Variants in TAGAP observed in about 807,000 individuals in gnomAD.
The protein encoded by TAGAP is T-cell activation Rho GTPase-activating protein.
Under a neutral mutation model 36.0 loss-of-function variants are expected in TAGAP, and 16 were observed. That is an observed-to-expected ratio of 0.44 (90% CI 0.30 to 0.68). TAGAP has a LOEUF of 0.68. Ranked by LOEUF, TAGAP falls within the 30% of genes least tolerant of loss-of-function variation. TAGAP has a pLI of 0.09. For missense variants in TAGAP, 794 were observed against 921.5 expected, an observed-to-expected ratio of 0.86 and a Z score of 1.79; for synonymous variants, 372 against 377.4, an observed-to-expected ratio of 0.99 and a Z score of 0.17.
Position 159,043,996 on chromosome 6 carries a change from T to C in TAGAP, c.63A>G (p.Leu21=). The stretch of plus-strand genomic sequence containing the variant: ...TTCTTACCTCTGATTGACATTCGAT[T>C]AGTGTCTCCATATTATTGGCGTTTA... ...KTLNANNMET[L]IECQSEGDIK... Residue 21 remains leucine (L), a synonymous_variant, in exon 3 of 10, where the codon CTA becomes CTG. Transcript: ENST00000367066. The C allele has an allele frequency of 6.2e-7, 1 of 1,613,808 alleles. No individual in the cohort carries two copies. Among genetic ancestry groups the C allele is most frequent in the Non-Finnish European group, 8.5e-7 (1 of 1,179,828 alleles).
chr6:159,038,950 A>C, intron 8 of TAGAP, 164 bp downstream of exon 8: 1 of 1,462,528 alleles, frequency 6.8e-7, no homozygotes, highest in Non-Finnish European at 9.1e-7. Flanking sequence ...CATTAGATAC[A>C]TGTATCTGAG....
chr6:159,044,846 A>G, intron 1 of TAGAP, 33 bp downstream of exon 1: 1 of 398,294 alleles, frequency 2.5e-6, no homozygotes, highest in Non-Finnish European at 4.4e-6. Context: ...GCAGCTTGTA[A>G]TTTCTAGGCA....
At position 159,037,147 on chromosome 6, in the gene TAGAP, T is replaced by C. The variant is rs1779575485; in HGVS notation, c.899-23A>G. The C allele has an allele frequency of 6.4e-7, 1 of 1,557,590 alleles. No individual in the cohort carries two copies. The highest frequency in any genetic ancestry group is 1.4e-5 in the African/African-American group (1 of 72,180). ...CATCTGGGGGAAGTCAAGCAGCAGT[T>C]GAACATTTGTTTGGGTTTATTTATT... is the stretch of plus-strand genomic sequence containing the variant. On this transcript the variant is annotated intron_variant, in intron 9 of 9. Transcript: ENST00000367066. The surrounding 1 kb of genome is among the most constrained non-coding windows in gnomAD (Gnocchi z 5.1).
Position 159,035,609 on chromosome 6 carries a change from A to G in TAGAP, c.*218T>C. On this transcript the variant is annotated 3_prime_UTR_variant, in exon 10 of 10. Coordinates refer to ENST00000367066, the MANE Select transcript of TAGAP (RefSeq NM_054114.5). Reference sequence around the variant, plus strand: ...CCTTTGCACCTAACACCTTATCTATAATACATTTGATACATTTTTACATAT... The same window carrying G: ...CCTTTGCACCTAACACCTTATCTATGATACATTTGATACATTTTTACATAT... 2.0e-6 allele frequency: 1 copy of G among 508,084 alleles called. No individual in the cohort carries two copies. The highest frequency in any genetic ancestry group is 3.5e-6 in the Non-Finnish European group (1 of 285,632). The allele number at this position is 508,084 out of a possible 1,614,324, so 31.5% of individuals were successfully genotyped here. A position where few individuals can be genotyped will look rare whatever the true frequency, so the allele number is the denominator to read the frequency against.
In TAGAP at chr6:159,037,248, G is replaced by A; in HGVS notation, c.899-124C>T. ...GGTTTGTTGCCCAGGCTGGAGTGCA[G>A]TGATGTGATCTCGGCTCACTGCAAC... On this transcript the variant is annotated intron_variant, in intron 9 of 9. Transcript: ENST00000367066. The surrounding 1 kb of genome is among the most constrained non-coding windows in gnomAD (Gnocchi z 5.1). 3 of 857,338 alleles carry A rather than the reference G, an allele frequency of 3.5e-6. No individual in the cohort carries two copies. The highest frequency in any genetic ancestry group is 3.5e-5 in the Admixed American group (1 of 28,580). The allele number at this position is 857,338 out of a possible 1,614,324, so 53.1% of individuals were successfully genotyped here. A position where few individuals can be genotyped will look rare whatever the true frequency, so the allele number is the denominator to read the frequency against.
At chr6:159,038,824 TGTG>T in intron 8 of TAGAP, 1 of 1,033,132 alleles carries the variant, frequency 9.7e-7, no homozygotes, top group East Asian at 3.9e-5. Context: ...ACTGATAGAC[TGTG>T]GTGTACAAAA....
chr6:159,034,657 G>A lies in TAGAP; in HGVS notation c.*1170C>T, dbSNP rs1211406241. 6.6e-6 allele frequency: 1 copy of A among 152,134 alleles called. No individual in the cohort carries two copies. Among genetic ancestry groups the A allele is most frequent in the East Asian group, 1.9e-4 (1 of 5,188 alleles). 9.4% of individuals were successfully genotyped at this position (152,134 alleles called of 1,614,324 possible). A position where few individuals can be genotyped will look rare whatever the true frequency, so the allele number is the denominator to read the frequency against. On this transcript the variant is annotated 3_prime_UTR_variant, in exon 10 of 10. Coordinates refer to ENST00000367066, the MANE Select transcript of TAGAP (RefSeq NM_054114.5). The stretch of plus-strand genomic sequence containing the variant: ...AGCAAACTGAGCATCATAAGAATGA[G>A]GTGAGATGTAAAATTACTGGAAAGT...
At position 159,036,924 on chromosome 6, in the gene TAGAP, T is replaced by G. The variant is rs1267679706; in HGVS notation, c.1099A>C (p.Ser367Arg). 6.2e-7 allele frequency: 1 copy of G among 1,613,692 alleles called. No homozygotes were observed. Among genetic ancestry groups the G allele is most frequent in the South Asian group, 1.1e-5 (1 of 91,074 alleles). The change falls in exon 10 of 10, where the codon AGC becomes CGC. Residue 367 changes from serine to arginine, a missense_variant. Coordinates refer to ENST00000367066, the MANE Select transcript of TAGAP (RefSeq NM_054114.5). The surrounding 1 kb of genome is among the most constrained non-coding windows in gnomAD (Gnocchi z 4.9). The part of the protein sequence containing the change: ...PIVSTVARLK[S>R]SLAQPDRRYS... ...CTCCTATCGGGCTGTGCGAGGGAGC[T>G]TTTCAGCCTGGCCACGGTGCTCACA...
chr6:159,039,225 C>T lies in TAGAP; in HGVS notation c.672G>A (p.Glu224=). ...YVLHLISKNS[E]VNRMDSSNLA... is the part of the protein sequence containing the mutation. Reference sequence around the variant, plus strand: ...GATTGCTGGAGTCCATCCTGTTCACCTCAGAGTTCTTGCTGATGAGGTGCA... The same window carrying T: ...GATTGCTGGAGTCCATCCTGTTCACTTCAGAGTTCTTGCTGATGAGGTGCA... The change falls in exon 8 of 10, where the codon GAG becomes GAA. Residue 224 remains glutamate (E), a synonymous_variant. Coordinates refer to ENST00000367066, the MANE Select transcript of TAGAP (RefSeq NM_054114.5). The T allele has an allele frequency of 6.2e-7, 1 of 1,614,176 alleles. No homozygotes were observed. Among genetic ancestry groups the T allele is most frequent in the Non-Finnish European group, 8.5e-7 (1 of 1,180,032 alleles).
chr6:159,037,228 G>A lies in TAGAP; in HGVS notation c.899-104C>T. On this transcript the variant is annotated intron_variant, in intron 9 of 9. Transcript: ENST00000367066. This position sits in a 1 kb window ranked among gnomAD's most constrained non-coding sequence, Gnocchi z 5.1. ...ATTTTTTGAGATGGAGTCTCGGTTT[G>A]TTGCCCAGGCTGGAGTGCAGTGATG... 9.1e-7 allele frequency: 1 copy of A among 1,098,000 alleles called. No individual in the cohort carries two copies. The highest frequency in any genetic ancestry group is 1.2e-6 in the Non-Finnish European group (1 of 819,830). The allele number at this position is 1,098,000 out of a possible 1,614,324, so 68.0% of individuals were successfully genotyped here. A position where few individuals can be genotyped will look rare whatever the true frequency, so the allele number is the denominator to read the frequency against.
chr6:159,039,497 A>T (rs1353907966), intron 7 of TAGAP, among the ~76,000 whole-genome samples, 188 bp from the exon 8 acceptor site: 1 of 152,226 alleles, frequency 6.6e-6, no homozygotes, highest in Non-Finnish European at 1.5e-5. Context: ...GGTTAACCAC[A>T]AGGTCTTGAG....
At position 159,037,168 on chromosome 6, in the gene TAGAP, T is replaced by A; in HGVS notation, c.899-44A>T. On this transcript the variant is annotated intron_variant, in intron 9 of 9. Coordinates refer to ENST00000367066, the MANE Select transcript of TAGAP (RefSeq NM_054114.5). This position sits in a 1 kb window ranked among gnomAD's most constrained non-coding sequence, Gnocchi z 5.1. The stretch of plus-strand genomic sequence containing the variant: ...CAGTTGAACATTTGTTTGGGTTTAT[T>A]TATTTATTTATTTTTATTTGTATTT... 1 of 1,446,582 alleles carries A rather than the reference T, an allele frequency of 6.9e-7. No homozygotes were observed. Among genetic ancestry groups the A allele is most frequent in the Non-Finnish European group, 9.2e-7 (1 of 1,091,932 alleles). The allele number at this position is 1,446,582 out of a possible 1,614,324, so 89.6% of individuals were successfully genotyped here.
chr6:159,039,019 A>T lies in TAGAP; in HGVS notation c.783+95T>A, dbSNP rs2114789710. ...TATATTTTCACTGTGATTCTGAGTC[A>T]GTTGGAGACATTCTGAAGCATTTTA... On this transcript the variant is annotated intron_variant, in intron 8 of 9. Transcript: ENST00000367066. 1.9e-6 allele frequency: 3 copies of T among 1,594,664 alleles called. No individual in the cohort carries two copies. The South Asian group carries it at 3.3e-5, about 18-fold the overall frequency.
In TAGAP at chr6:159,036,168, T is replaced by C. The variant is rs1240503886; in HGVS notation, c.1855A>G (p.Thr619Ala). 1.2e-6 allele frequency: 2 copies of C among 1,612,502 alleles called. No homozygotes were observed. The highest frequency in any genetic ancestry group is 8.5e-7 in the Non-Finnish European group (1 of 1,179,332). Reference protein sequence around the residue: ...ASESQTVGSMTVGSMRARMLE... With the variant: ...ASESQTVGSMAVGSMRARMLE... The stretch of plus-strand genomic sequence containing the variant: ...ATCCTCGCCCTCATGCTCCCCACCG[T>C]CATGCTCCCCACGGTCTGGCTCTCG... The change falls in exon 10 of 10, where the codon ACG becomes GCG. Residue 619 changes from threonine to alanine, a missense_variant. Coordinates refer to ENST00000367066, the MANE Select transcript of TAGAP (RefSeq NM_054114.5). The surrounding 1 kb of genome is among the most constrained non-coding windows in gnomAD (Gnocchi z 4.9).
chr6:159,039,725 A>T (rs954858884), intron 7 of TAGAP, among the ~76,000 whole-genome samples: 2 of 152,270 alleles, frequency 1.3e-5, no homozygotes, highest in African/African-American at 4.8e-5. Context: ...AGACGGAAAC[A>T]AAACTATAAT....
intron 7 of TAGAP, among the ~76,000 whole-genome samples, chr6:159,039,772 A>G (rs1779681716): frequency 6.6e-6 from 1 of 152,252 alleles, no homozygotes; most frequent in African/African-American, 2.4e-5. Context: ...CAACATTCTG[A>G]GAAAGCTTTA....
At position 159,041,472 on chromosome 6, in the gene TAGAP, C is replaced by T. The variant is rs764717611; in HGVS notation, c.359G>A (p.Gly120Glu). The change falls in exon 6 of 10, where the codon GGG becomes GAG. Residue 120 changes from glycine to glutamate, a missense_variant. By Grantham distance (98) the Gly-to-Glu change is moderately conservative (BLOSUM62 -2). Transcript: ENST00000367066. This position sits in a 1 kb window ranked among gnomAD's most constrained non-coding sequence, Gnocchi z 4.1. Reference sequence around the variant, plus strand: ...CTCGTTGGCTGCTCTCCTGAATATCCCTTCCGTTGAAGGGCCTTTAAGGCA... The same window carrying T: ...CTCGTTGGCTGCTCTCCTGAATATCTCTTCCGTTGAAGGGCCTTTAAGGCA... ...ILCLKGPSTE[G>E]IFRRAANEKA... 2.5e-6 allele frequency: 4 copies of T among 1,614,156 alleles called. No individual in the cohort carries two copies.
rs1779537628 is a variant in TAGAP, at chr6:159,036,416, C to T, written c.1607G>A (p.Arg536Lys). 1 of 1,614,182 alleles carries T rather than the reference C, an allele frequency of 6.2e-7. No homozygotes were observed. ...AGSGKSQDFT[R>K]DHVPRGVRKE... ...TCTGACACCCCTCGGGACGTGGTCC[C>T]TGGTAAAGTCTTGCGATTTCCCAGA... is the stretch of plus-strand genomic sequence containing the variant. Residue 536 changes from arginine (R) to lysine (K), a missense_variant, in exon 10 of 10, where the codon AGG (arginine) becomes AAG (lysine). Coordinates refer to ENST00000367066, the MANE Select transcript of TAGAP (RefSeq NM_054114.5). The surrounding 1 kb of genome is among the most constrained non-coding windows in gnomAD (Gnocchi z 4.9).
At chr6:159,039,043 TA>T in intron 8 of TAGAP, 70 bp downstream of exon 8, 1 of 1,605,012 alleles carries the variant, frequency 6.2e-7, no homozygotes, top group Non-Finnish European at 8.5e-7. Context: ...TGAAGCATTT[TA>T]TTGCCTGGAC....
Sources: gnomAD v4.1 joint callset for allele counts (sites outside exome capture counted in the v4.1 genomes callset) on GRCh38, gnomAD v4.1.1 for gene constraint, Gnocchi (gnomAD v3.1) non-coding constraint, MANE v1.5 for transcripts, NCBI Gene and HGNC (gene_info 2026-07-23, HGNC 2026-07-21) for gene names.